The following PCDH7 variants were observed in gnomAD, a reference collection of about 807,000 sequenced individuals.
The protein encoded by PCDH7 is protocadherin-7.
PCDH7 carries 17 observed loss-of-function variants against 58.9 expected under a neutral mutation model. That is an observed-to-expected ratio of 0.29 (90% CI 0.20 to 0.43). The LOEUF (loss-of-function observed/expected upper bound fraction) is 0.43. Ranked by LOEUF, PCDH7 falls within the 20% of genes least tolerant of loss-of-function variation. The probability of loss-of-function intolerance (pLI) is 1.00; values close to 1 mark genes in which losing one functional copy is unlikely to be tolerated. For missense variants in PCDH7, 1,274 were observed against 1,441.0 expected (o/e 0.88, Z 1.88); for synonymous variants, 664 against 616.4 (o/e 1.08, Z -1.14).
intron 1 of PCDH7, among the ~76,000 whole-genome samples, chr4:30,894,490 A>ATAT (rs1213620781): frequency 6.0e-5 from 2 of 33,516 alleles, no homozygotes; most frequent in East Asian, 1.5e-3. Flanking sequence ...AAAAAAAAAA[A>ATAT]ATATATATAT....
In PCDH7 at chr4:30,899,182, C is replaced by T. The variant is rs559054542; in HGVS notation, c.71-20971C>T. Among the ~76,000 whole-genome samples, 31 of 152,050 alleles carry T rather than the reference C, an allele frequency of 2.0e-4. No individual in the cohort carries two copies. In the South Asian group the frequency reaches 4.6e-3, roughly 22 times the overall value. On this transcript the variant is annotated intron_variant, in intron 1 of 3. Coordinates refer to the PCDH7 transcript ENST00000509759. ...AAGTCACTGCCCCAGGGTTTTTTTA[C>T]GCTACAGATTTTGAGAATGACTGTC...
intron 1 of PCDH7, among the ~76,000 whole-genome samples, chr4:30,845,283 G>A (rs1731770236): frequency 6.6e-6 from 1 of 152,150 alleles, no homozygotes; most frequent in Non-Finnish European, 1.5e-5. Context: ...TGTTGTATTT[G>A]ATGGAAATAT....
chr4:31,039,912 C>T (rs1437599634), intron 3 of PCDH7, among the ~76,000 whole-genome samples: 1 of 152,032 alleles, frequency 6.6e-6, no homozygotes, highest in Non-Finnish European at 1.5e-5. Flanking sequence ...GACATTCAAA[C>T]TAAGATTGTT....
intron 3 of PCDH7, among the ~76,000 whole-genome samples, chr4:31,056,467 A>AAGAAAGAAAG (rs1385955030): frequency 1.5e-5 from 2 of 130,230 alleles, no homozygotes; most frequent in Non-Finnish European, 3.3e-5. Context: ...AGAAGAAAGA[A>AAGAAAGAAAG]AGAAAGAAAG....
intron 1 of PCDH7, among the ~76,000 whole-genome samples, chr4:30,916,751 G>A (rs1475475160): frequency 6.6e-6 from 1 of 152,176 alleles, no homozygotes; most frequent in Admixed American, 6.5e-5. Flanking sequence ...CTAATTGCCT[G>A]GAGCACATTG....
At chr4:30,967,219 A>C (rs370896723) in intron 3 of PCDH7, among the ~76,000 whole-genome samples, 46 of 152,216 alleles carry the variant, frequency 3.0e-4, no homozygotes, top group Non-Finnish European at 2.6e-4. Flanking sequence ...AAGAAAAAAA[A>C]ATCAGTCATA....
chr4:30,746,083 C>A (rs1717745912), intron 1 of PCDH7, among the ~76,000 whole-genome samples: 1 of 152,124 alleles, frequency 6.6e-6, no homozygotes, highest in African/African-American at 2.4e-5. Context: ...CCTGCCTCAG[C>A]CTCCAAAAGT....
intron 3 of PCDH7, among the ~76,000 whole-genome samples, chr4:31,002,268 G>T (rs145405781): frequency 6.6e-6 from 1 of 152,164 alleles, no homozygotes; most frequent in Non-Finnish European, 1.5e-5. Context: ...AAAATGATAA[G>T]CACTCAGGCA....
exon 1 of PCDH7, chr4:30,724,164 C>A (rs372033720): frequency 1.2e-6 from 2 of 1,613,830 alleles, no homozygotes; most frequent in South Asian, 2.2e-5. Flanking sequence ...GCTATGAAGC[C>A]GGCAAAAAAG....
At chr4:30,888,212 G>A (rs1018569668) in intron 1 of PCDH7, among the ~76,000 whole-genome samples, 1 of 151,920 alleles carries the variant, frequency 6.6e-6, no homozygotes, top group Non-Finnish European at 1.5e-5. Context: ...GTAATGGATC[G>A]ATCATAATTG....
intron 3 of PCDH7, among the ~76,000 whole-genome samples, chr4:31,111,573 A>G (rs903332527): frequency 5.9e-5 from 9 of 152,070 alleles, no homozygotes; most frequent in African/African-American, 1.9e-4. Flanking sequence ...GCCTCCCACA[A>G]ATTTTCATGT....
intron 3 of PCDH7, among the ~76,000 whole-genome samples, chr4:31,038,479 A>G (rs1267126324): frequency 6.6e-6 from 1 of 152,182 alleles, no homozygotes; most frequent in African/African-American, 2.4e-5. Flanking sequence ...GGACTATTTG[A>G]GATGGAATAA....
chr4:30,753,497 G>A (rs1434299114), intron 1 of PCDH7, among the ~76,000 whole-genome samples: 2 of 152,164 alleles, frequency 1.3e-5, no homozygotes, highest in African/African-American at 2.4e-5. Context: ...TCATTTCTTA[G>A]GCAGGCACTT....
intron 3 of PCDH7, among the ~76,000 whole-genome samples, chr4:31,032,829 G>A (rs1179988965): frequency 6.6e-6 from 1 of 152,114 alleles, no homozygotes; most frequent in Non-Finnish European, 1.5e-5. Context: ...GAAATTAGAA[G>A]ATAAGAATTT....
At chr4:30,755,903 A>G (rs1248536044) in intron 1 of PCDH7, among the ~76,000 whole-genome samples, 1 of 151,916 alleles carries the variant, frequency 6.6e-6, no homozygotes, top group Non-Finnish European at 1.5e-5. Flanking sequence ...AGATGGTGAA[A>G]CCCCGTTTCT....
chr4:31,074,459 C>T (rs1028416354), intron 3 of PCDH7, among the ~76,000 whole-genome samples: 26 of 151,844 alleles, frequency 1.7e-4, no homozygotes, highest in Non-Finnish European at 2.9e-4. Context: ...TCTTAGTCCC[C>T]TCTACATTAT....
intron 1 of PCDH7, among the ~76,000 whole-genome samples, chr4:30,781,814 G>A (rs1459357879): frequency 6.6e-6 from 1 of 152,140 alleles, no homozygotes; most frequent in African/African-American, 2.4e-5. Context: ...GGGATTACAA[G>A]CGTGAGCCAC....
chr4:30,753,223 T>C (rs201247319), intron 1 of PCDH7, among the ~76,000 whole-genome samples: 1 of 152,162 alleles, frequency 6.6e-6, no homozygotes, highest in East Asian at 1.9e-4. Flanking sequence ...TACAGAGTCT[T>C]TTTATTTCTG....
intron 3 of PCDH7, among the ~76,000 whole-genome samples, chr4:30,964,631 A>C (rs1323660354): frequency 8.2e-6 from 1 of 121,612 alleles, no homozygotes. Flanking sequence ...TTTTTTTTTA[A>C]CCTCCCTGAG....
Sources: gnomAD v4.1 joint callset for allele counts (sites outside exome capture counted in the v4.1 genomes callset) on GRCh38, gnomAD v4.1.1 for gene constraint, MANE v1.5 for transcripts, NCBI Gene and HGNC (gene_info 2026-07-23, HGNC 2026-07-21) for gene names.